The following PIK3R6 variants were observed in gnomAD, a reference collection of about 807,000 sequenced individuals.
PIK3R6 encodes the protein phosphoinositide 3-kinase regulatory subunit 6.
PIK3R6 carries 91 observed loss-of-function variants against 84.9 expected under a neutral mutation model. That is an observed-to-expected ratio of 1.07 (90% confidence interval 0.90 to 1.28). The LOEUF is 1.28. PIK3R6 is among the 50% of genes most tolerant of loss of function. PIK3R6 has a pLI of 0.00. For synonymous variants in PIK3R6, 416 were observed against 411.4 expected (o/e 1.01, Z -0.13); for missense variants, 996 against 985.1 (o/e 1.01, Z -0.15).
At chr17:8,841,437 T>TAAG (rs2088674075) in intron 2 of PIK3R6, among the ~76,000 whole-genome samples, 1 of 152,216 alleles carries the variant, frequency 6.6e-6, no homozygotes. Flanking sequence ...CGTCGATGTA[T>TAAG]AAGAATTTGA....
intron 18 of PIK3R6, among the ~76,000 whole-genome samples, chr17:8,804,983 G>T (rs1286322087): frequency 6.6e-6 from 1 of 152,238 alleles, no homozygotes; most frequent in Non-Finnish European, 1.5e-5. Flanking sequence ...TGTAGGCAGG[G>T]CTGAGAACAG....
intron 7 of PIK3R6, among the ~76,000 whole-genome samples, chr17:8,835,669 C>T (rs565105954): frequency 6.6e-6 from 1 of 152,238 alleles, no homozygotes; most frequent in African/African-American, 2.4e-5. Flanking sequence ...TCTAGAGGGG[C>T]AGCTCTAATC....
intron 10 of PIK3R6, 51 bp downstream of exon 10, chr17:8,829,655 C>T: frequency 6.6e-7 from 1 of 1,509,036 alleles, no homozygotes; most frequent in Non-Finnish European, 9.0e-7. Context: ...CGCATACACA[C>T]ACAGACACAG....
chr17:8,809,603 T>G (rs1213384894), intron 18 of PIK3R6, among the ~76,000 whole-genome samples: 1 of 152,168 alleles, frequency 6.6e-6, no homozygotes, highest in Non-Finnish European at 1.5e-5. Context: ...GAGACTAGCC[T>G]GGGCAACGTA....
intron 18 of PIK3R6, among the ~76,000 whole-genome samples, chr17:8,807,440 G>T (rs988834165): frequency 6.6e-6 from 1 of 152,154 alleles, no homozygotes; most frequent in African/African-American, 2.4e-5. Context: ...GTGTCCCCAG[G>T]GTCCTATGGG....
In PIK3R6 at chr17:8,842,591, C is replaced by T. The variant is rs1217519195; in HGVS notation, c.14-2894G>A. Among the ~76,000 whole-genome samples the T allele has an allele frequency of 6.6e-6, 1 of 152,116 alleles. No individual in the cohort carries two copies. Among genetic ancestry groups the T allele is most frequent in the African/African-American group, 2.4e-5 (1 of 41,418 alleles). On this transcript the variant is annotated intron_variant, in intron 2 of 19. Transcript: ENST00000619866. This position sits in a 1 kb window ranked among gnomAD's most constrained non-coding sequence, Gnocchi z 4.5. ...CAGACAAGAAGTACGGGAAACACTCCTCACACAATAAATTCCTCTTTGCAA... is the reference window on the plus strand; with the variant it reads ...CAGACAAGAAGTACGGGAAACACTCTTCACACAATAAATTCCTCTTTGCAA...
Position 8,819,217 on chromosome 17 carries a change from G to C in PIK3R6, c.1880-19C>G. The stretch of plus-strand genomic sequence containing the variant: ...CCTGAAACTGAATGAGATGGGTGGG[G>C]CTGTAAATGGACCTCCAGGGAAGTA... On this transcript the variant is annotated intron_variant, in intron 17 of 19. Coordinates refer to ENST00000619866, the MANE Select transcript of PIK3R6 (RefSeq NM_001010855.4). The C allele has an allele frequency of 1.3e-6, 2 of 1,548,926 alleles. No homozygotes were observed. The highest frequency in any genetic ancestry group is 1.8e-6 in the Non-Finnish European group (2 of 1,132,872).
intron 2 of PIK3R6, among the ~76,000 whole-genome samples, chr17:8,848,801 G>A (rs1467195881): frequency 6.6e-6 from 1 of 152,160 alleles, no homozygotes; most frequent in Non-Finnish European, 1.5e-5. Context: ...ACTCCATGGA[G>A]CTACTTCTGA....
chr17:8,833,130 A>G (rs2151256771), intron 8 of PIK3R6, 85 bp from the exon 9 acceptor site: 1 of 1,448,304 alleles, frequency 6.9e-7, no homozygotes, highest in Non-Finnish European at 9.1e-7. Context: ...GGGCCCTGGC[A>G]GCCCAAGGTG....
intron 8 of PIK3R6, 132 bp from the exon 9 acceptor site, chr17:8,833,177 T>C: frequency 7.7e-7 from 1 of 1,297,118 alleles, no homozygotes; most frequent in African/African-American, 1.5e-5. Flanking sequence ...CGGCAGGAGC[T>C]TCCCCCGAAG....
chr17:8,819,157 T>A lies in PIK3R6; in HGVS notation c.1921A>T (p.Thr641Ser), dbSNP rs943842555. ...SHCPLPAAPV[T>S]DHTCLNVNVT... ...TTGACATTCAGACATGTGTGGTCTG[T>A]GACAGGAGCAGCAGGCAGGGGGCAA... is the stretch of plus-strand genomic sequence containing the variant. Residue 641 changes from threonine to serine, a missense_variant, in exon 18 of 20, where the codon ACA becomes TCA. Coordinates refer to ENST00000619866, the MANE Select transcript of PIK3R6 (RefSeq NM_001010855.4). 5 of 1,610,590 alleles carry A rather than the reference T, an allele frequency of 3.1e-6. No homozygotes were observed. The African/African-American group carries it at 4.0e-5, about 13-fold the overall frequency.
chr17:8,843,257 A>G lies in PIK3R6; in HGVS notation c.14-3560T>C, dbSNP rs75567098. Reference sequence around the variant, plus strand: ...AGTTATTAGAAAATTAGCTGGTGCTAAGTCTTTTTTCTCTCTCCTCCCTCC... The same window carrying G: ...AGTTATTAGAAAATTAGCTGGTGCTGAGTCTTTTTTCTCTCTCCTCCCTCC... On this transcript the variant is annotated intron_variant, in intron 2 of 19. Coordinates refer to ENST00000619866, the MANE Select transcript of PIK3R6 (RefSeq NM_001010855.4). Among the ~76,000 whole-genome samples the G allele has an allele frequency of 1.3e-3, 204 of 152,228 alleles. 1 individual carries two copies. In the East Asian group the frequency reaches 0.029, roughly 21 times the overall value.
chr17:8,825,340 G>A (rs1046566724), intron 13 of PIK3R6, among the ~76,000 whole-genome samples: 1 of 152,136 alleles, frequency 6.6e-6, no homozygotes, highest in African/African-American at 2.4e-5. Flanking sequence ...AGTTTATCAG[G>A]AAGAGAAATA....
intron 17 of PIK3R6, among the ~76,000 whole-genome samples, chr17:8,821,373 CTGGTG>C (rs2087725616): frequency 6.6e-6 from 1 of 152,122 alleles, no homozygotes; most frequent in South Asian, 2.1e-4. Context: ...TGCCTGGCCT[CTGGTG>C]TTTGTTTGCA....
At chr17:8,817,534 C>A (rs1285440237) in intron 18 of PIK3R6, among the ~76,000 whole-genome samples, 1 of 152,036 alleles carries the variant, frequency 6.6e-6, no homozygotes, top group East Asian at 1.9e-4. Flanking sequence ...CCCAGCTACT[C>A]AGGAGGCTGA....
At chr17:8,863,760 C>T (rs997467327) in intron 1 of PIK3R6, among the ~76,000 whole-genome samples, 2 of 152,150 alleles carry the variant, frequency 1.3e-5, no homozygotes, top group African/African-American at 2.4e-5. Context: ...GCCTCGATCT[C>T]CTGACCTCGT....
chr17:8,851,369 G>A (rs1359984879), intron 1 of PIK3R6, among the ~76,000 whole-genome samples: 3 of 151,620 alleles, frequency 2.0e-5, no homozygotes, highest in Non-Finnish European at 2.9e-5. Flanking sequence ...GGTGGTGGGC[G>A]CCTGTAGTCC....
chr17:8,821,786 C>A, intron 17 of PIK3R6, 60 bp downstream of exon 17: 1 of 1,501,246 alleles, frequency 6.7e-7, no homozygotes. Flanking sequence ...CTGCCCTCTC[C>A]CCAGCATTGC....
chr17:8,829,589 C>A lies in PIK3R6; in HGVS notation c.889+117G>T, dbSNP rs936216244. The A allele has an allele frequency of 3.3e-5, 35 of 1,067,076 alleles. No individual in the cohort carries two copies. In the Admixed American group the frequency reaches 6.8e-4, roughly 21 times the overall value. 66.1% of individuals were successfully genotyped at this position (1,067,076 alleles called of 1,614,324 possible). A position where few individuals can be genotyped will look rare whatever the true frequency, so the allele number is the denominator to read the frequency against. On this transcript the variant is annotated intron_variant, in intron 10 of 19. Transcript: ENST00000619866. ...ACATACACACACAGACACACTGACA[C>A]ACACTCATGCATACACACACTGACA...
Sources: gnomAD v4.1 joint callset for allele counts (sites outside exome capture counted in the v4.1 genomes callset) on GRCh38, gnomAD v4.1.1 for gene constraint, Gnocchi (gnomAD v3.1) non-coding constraint, MANE v1.5 for transcripts, NCBI Gene and HGNC (gene_info 2026-07-23, HGNC 2026-07-21) for gene names.